Variants in ASNS observed in about 807,000 individuals in gnomAD.
ASNS encodes asparagine synthetase (glutamine-hydrolyzing).
ASNS carries 37 observed loss-of-function variants against 62.6 expected under a neutral mutation model. The observed-to-expected ratio is 0.59, with a 90% CI of 0.45 to 0.78. ASNS has a LOEUF of 0.78. Among genes scored for constraint, ASNS ranks in the 30% least tolerant of loss-of-function variants. ASNS has a pLI of 0.00. For synonymous variants in ASNS, 207 were observed against 237.9 expected, an observed-to-expected ratio of 0.87 and a Z score of 1.19; for missense variants, 520 against 682.4, an observed-to-expected ratio of 0.76 and a Z score of 2.65.
At chr7:97,873,651 A>C (rs1391148040), upstream of ASNS, among the ~76,000 whole-genome samples, 1 of 152,206 alleles carries the variant, frequency 6.6e-6, no homozygotes, top group African/African-American at 2.4e-5. Context: ...GACTCAGAAA[A>C]GTTGAGGGAT....
chr7:97,927,757 CGG>C, the ASNS span, among the ~76,000 whole-genome samples: 1 of 151,468 alleles, frequency 6.6e-6, no homozygotes, highest in South Asian at 2.1e-4. Context: ...CTCCTTCTCC[CGG>C]GATCTCAGAG....
At chr7:97,896,751 T>C in the ASNS span, among the ~76,000 whole-genome samples, 47 of 87,784 alleles carry the variant, frequency 5.4e-4, 1 homozygote, top group East Asian at 4.4e-3. Flanking sequence ...CATATATATA[T>C]ATATATATAT....
chr7:97,858,269 G>A lies in ASNS; in HGVS notation c.903+9C>T, dbSNP rs766567120. On this transcript the variant is annotated intron_variant, in intron 7 of 12. Transcript: ENST00000394308. ...CTACACTACACAAGGGACAGAGACA[G>A]CACCTTACCTTTCTAGCAGCCAGTA... 1.2e-6 allele frequency: 2 copies of A among 1,612,456 alleles called. No individual in the cohort carries two copies. Among genetic ancestry groups the A allele is most frequent in the Non-Finnish European group, 1.7e-6 (2 of 1,179,898 alleles).
chr7:97,853,193 A>G lies in ASNS; in HGVS notation c.1343T>C (p.Leu448Pro). The G allele has an allele frequency of 6.2e-7, 1 of 1,608,188 alleles. No homozygotes were observed. ...ATTGGAATCCTCAAACGTCTCTCTC[A>G]GGAGATGTTTTTCTATCCCATTCTG... Reference protein sequence around the residue: ...IPKNGIEKHLLRETFEDSNLI... With the variant: ...IPKNGIEKHLPRETFEDSNLI... Residue 448 changes from leucine to proline, a missense_variant, in exon 12 of 13, where the codon CTG (leucine) becomes CCG (proline). By Grantham distance (98) the Leu-to-Pro change is moderately conservative (BLOSUM62 -3). Coordinates refer to ENST00000394308, the MANE Select transcript of ASNS (RefSeq NM_001673.5).
the ASNS span, among the ~76,000 whole-genome samples, chr7:97,889,927 C>CAAAAAAAAAAAAAAAAAAAAAAAAAAAA: frequency 7.8e-5 from 3 of 38,564 alleles, no homozygotes; most frequent in African/African-American, 1.1e-4. Context: ...ATAATGAATA[C>CAAAAAAAAAAAAAAAAAAAAAAAAAAAA]AAAAAAAAAA....
the ASNS span, among the ~76,000 whole-genome samples, chr7:97,893,314 C>G: frequency 6.6e-6 from 1 of 152,254 alleles, no homozygotes; most frequent in South Asian, 2.1e-4. Context: ...GGGACACAGC[C>G]AAACCATATC....
At chr7:97,925,647 G>A in the ASNS span, among the ~76,000 whole-genome samples, 1 of 152,188 alleles carries the variant, frequency 6.6e-6, no homozygotes, top group Non-Finnish European at 1.5e-5. Context: ...CTGCAACGTG[G>A]ATGCACCTCT....
the ASNS span, among the ~76,000 whole-genome samples, chr7:97,926,767 T>C: frequency 6.6e-6 from 1 of 152,196 alleles, no homozygotes; most frequent in Non-Finnish European, 1.5e-5. Context: ...GTCATGCGAT[T>C]CCCATTTCCC....
At chr7:97,898,509 A>G in the ASNS span, 1 of 564,852 alleles carries the variant, frequency 1.8e-6, no homozygotes, top group East Asian at 3.9e-5. Flanking sequence ...CATCATGGAG[A>G]GGATAAATTG....
chr7:97,855,624 T>A (rs1370836840), intron 8 of ASNS, among the ~76,000 whole-genome samples, 165 bp from the exon 9 acceptor site: 5 of 152,238 alleles, frequency 3.3e-5, no homozygotes, highest in Non-Finnish European at 7.3e-5. Flanking sequence ...AAGCCATTTA[T>A]ATGTACTTAA....
the ASNS span, among the ~76,000 whole-genome samples, chr7:97,920,297 C>A: frequency 6.6e-6 from 1 of 152,306 alleles, no homozygotes; most frequent in South Asian, 2.1e-4. Context: ...AGCCACCATG[C>A]CTGGCCCTCT....
the ASNS span, among the ~76,000 whole-genome samples, chr7:97,923,852 C>T: frequency 3.9e-5 from 6 of 152,252 alleles, no homozygotes; most frequent in South Asian, 6.2e-4. Flanking sequence ...AACCAGGCAC[C>T]GGACTCCACA....
chr7:97,894,065 G>T, the ASNS span, among the ~76,000 whole-genome samples: 1 of 152,072 alleles, frequency 6.6e-6, no homozygotes, highest in South Asian at 2.1e-4. Flanking sequence ...AAATCAATAA[G>T]AAGAAGAAAT....
the ASNS span, among the ~76,000 whole-genome samples, chr7:97,883,622 C>T: frequency 6.6e-6 from 1 of 152,188 alleles, no homozygotes; most frequent in African/African-American, 2.4e-5. Context: ...GGGACCAAAG[C>T]GATCACTTCA....
chr7:97,859,126 T>TA (rs1324877351), intron 5 of ASNS, 87 bp downstream of exon 5: 1 of 1,511,868 alleles, frequency 6.6e-7, no homozygotes, highest in East Asian at 2.3e-5. Context: ...GTCTTGAAAC[T>TA]AAAATCATTC....
At chr7:97,862,095 A>T (rs1791749124) in intron 4 of ASNS, among the ~76,000 whole-genome samples, 1 of 149,254 alleles carries the variant, frequency 6.7e-6, no homozygotes, top group Non-Finnish European at 1.5e-5. Flanking sequence ...ACAATTCAGT[A>T]ATAAAAAGAC....
Position 97,852,475 on chromosome 7 carries a change from G to C in ASNS, c.1477-7C>G, listed in dbSNP as rs2115583693. 1 of 1,613,868 alleles carries C rather than the reference G, an allele frequency of 6.2e-7. No homozygotes were observed. The highest frequency in any genetic ancestry group is 8.5e-7 in the Non-Finnish European group (1 of 1,179,810). Reference sequence around the variant, plus strand: ...CCATCATTGCATCATCAACCTGTAAGAATAAGCATATAAGAGCAAAATGGC... The same window carrying C: ...CCATCATTGCATCATCAACCTGTAACAATAAGCATATAAGAGCAAAATGGC... On this transcript the variant is annotated splice_region_variant and splice_polypyrimidine_tract_variant and intron_variant, in intron 12 of 12. Coordinates refer to ENST00000394308, the MANE Select transcript of ASNS (RefSeq NM_001673.5).
At chr7:97,912,941 G>A in the ASNS span, 1 of 151,842 alleles carries the variant, frequency 6.6e-6, no homozygotes, top group Non-Finnish European at 1.5e-5. Flanking sequence ...CACAGATTAG[G>A]AAACATCACA....
At chr7:97,909,294 C>CTTTTTTTT in the ASNS span, among the ~76,000 whole-genome samples, 1 of 72,620 alleles carries the variant, frequency 1.4e-5, no homozygotes, top group Non-Finnish European at 2.5e-5. Flanking sequence ...CTCACATACA[C>CTTTTTTTT]TTTTTTTTTT....
Sources: gnomAD v4.1 joint callset for allele counts (sites outside exome capture counted in the v4.1 genomes callset) on GRCh38, gnomAD v4.1.1 for gene constraint, MANE v1.5 for transcripts, NCBI Gene and HGNC (gene_info 2026-07-23, HGNC 2026-07-21) for gene names.